The following RAB3GAP1 variants were observed in gnomAD, a reference collection of about 807,000 sequenced individuals.
The protein encoded by RAB3GAP1 is rab3 GTPase-activating protein catalytic subunit.
Under a neutral mutation model 130.7 loss-of-function variants are expected in RAB3GAP1, and 86 were observed. The ratio of observed to expected loss-of-function variants is 0.66; its 90% CI spans 0.55 to 0.79. The LOEUF (loss-of-function observed/expected upper bound fraction) is 0.79. RAB3GAP1 is among the 30% of genes least tolerant of loss of function. The pLI is 0.00. For missense variants in RAB3GAP1, 1,029 were observed against 1,169.4 expected (o/e 0.88, Z 1.75); for synonymous variants, 367 against 401.7 (o/e 0.91, Z 1.03).
At chr2:135,145,881 C>G (rs1051092283) in intron 17 of RAB3GAP1, among the ~76,000 whole-genome samples, 15 of 152,076 alleles carry the variant, frequency 9.9e-5, no homozygotes, top group Non-Finnish European at 1.8e-4. Flanking sequence ...TCTGTTCTAG[C>G]CCTCAACTTG....
intron 5 of RAB3GAP1, among the ~76,000 whole-genome samples, chr2:135,095,058 T>G (rs747658087): frequency 3.3e-5 from 5 of 152,114 alleles, no homozygotes; most frequent in Non-Finnish European, 7.4e-5. Context: ...CAAGCAGGCT[T>G]TTTTTTGTGA....
rs1363481112 is a variant in RAB3GAP1, at chr2:135,081,327, A to AAAAAAAT, written c.151-9670_151-9669insAAAAATA. Among the ~76,000 whole-genome samples the AAAAAAAT allele has an allele frequency of 3.1e-4, 20 of 64,036 alleles. 1 individual carries two copies. Among genetic ancestry groups the AAAAAAAT allele is most frequent in the African/African-American group, 8.3e-4 (9 of 10,894 alleles). The allele number at this position is 64,036 out of a possible 152,430, so 42.0% of individuals were successfully genotyped here. On this transcript the variant is annotated intron_variant, in intron 3 of 23. Coordinates refer to ENST00000264158, the MANE Select transcript of RAB3GAP1 (RefSeq NM_012233.3). Reference sequence around the variant, plus strand: ...GTCTCAAAAAAAAAAAAAAAAAAAAAATATATATATATATATATATATATA... The same window carrying AAAAAAAT: ...GTCTCAAAAAAAAAAAAAAAAAAAAAAAAAAATATATATATATATATATATATATATA...
intron 5 of RAB3GAP1, among the ~76,000 whole-genome samples, chr2:135,106,151 C>T (rs897575579): frequency 4.6e-5 from 7 of 150,672 alleles, no homozygotes; most frequent in African/African-American, 1.5e-4. Context: ...GGGGTGCCTC[C>T]GTCCGGCCGC....
At chr2:135,062,459 A>G (rs1689204265) in intron 3 of RAB3GAP1, among the ~76,000 whole-genome samples, 2 of 152,248 alleles carry the variant, frequency 1.3e-5, no homozygotes, top group African/African-American at 4.8e-5. Flanking sequence ...TTTTTAGTAA[A>G]TCCTGATGTT....
Position 135,153,745 on chromosome 2 carries a change from G to C in RAB3GAP1, c.2158G>C (p.Val720Leu). Residue 720 changes from valine to leucine, a missense_variant, in exon 19 of 24, where the codon GTG (valine) becomes CTG (leucine). Val to Leu is a conservative substitution (Grantham distance 32). Coordinates refer to ENST00000264158, the MANE Select transcript of RAB3GAP1 (RefSeq NM_012233.3). ...GGTGATTGATGAAAAGGGCAATGTG[G>C]TGCTGAAAGGAGAACTGAGTGCCCG... ...EEVIDEKGNV[V>L]LKGELSARMK... is the part of the protein sequence containing the mutation. The C allele has an allele frequency of 6.2e-7, 1 of 1,614,034 alleles. No individual in the cohort carries two copies. Among genetic ancestry groups the C allele is most frequent in the Non-Finnish European group, 8.5e-7 (1 of 1,179,924 alleles).
At chr2:135,079,016 C>T (rs566885040) in intron 3 of RAB3GAP1, among the ~76,000 whole-genome samples, 10 of 152,158 alleles carry the variant, frequency 6.6e-5, no homozygotes, top group East Asian at 1.9e-4. Context: ...TACAGGCACA[C>T]GCCACCATGC....
intron 19 of RAB3GAP1, among the ~76,000 whole-genome samples, chr2:135,162,068 T>C (rs1463707401): frequency 1.3e-5 from 2 of 152,188 alleles, no homozygotes; most frequent in African/African-American, 4.8e-5. Context: ...CTTCTCTGTA[T>C]TCTTATAATA....
At chr2:135,086,136 G>C (rs928374095) in intron 3 of RAB3GAP1, among the ~76,000 whole-genome samples, 5 of 151,886 alleles carry the variant, frequency 3.3e-5, no homozygotes, top group African/African-American at 1.2e-4. Context: ...TTCTCCTATT[G>C]GTGGGCATTT....
At chr2:135,080,899 T>C (rs1689776933) in intron 3 of RAB3GAP1, among the ~76,000 whole-genome samples, 1 of 152,186 alleles carries the variant, frequency 6.6e-6, no homozygotes, top group Admixed American at 6.5e-5. Context: ...GGGATGATCT[T>C]GATCCAGGCT....
Position 135,126,584 on chromosome 2 carries a change from G to C in RAB3GAP1, c.901G>C (p.Asp301His). The change falls in exon 11 of 24, where the codon GAT becomes CAT. Residue 301 changes from aspartate (D) to histidine (H), a missense_variant and splice_region_variant. Physicochemically the swap from Asp to His is moderately conservative, Grantham distance 81 (BLOSUM62 -1). Coordinates refer to ENST00000264158, the MANE Select transcript of RAB3GAP1 (RefSeq NM_012233.3). ...TATATTTATTGGTTTGCATTTTAGTGATTTGGATCCTATTCAAGCTCCACA... is the reference window on the plus strand; with the variant it reads ...TATATTTATTGGTTTGCATTTTAGTCATTTGGATCCTATTCAAGCTCCACA... Reference protein sequence around the residue: ...GIIVDNDVYSDLDPIQAPHWS... With the variant: ...GIIVDNDVYSHLDPIQAPHWS... 1 of 1,610,184 alleles carries C rather than the reference G, an allele frequency of 6.2e-7. No homozygotes were observed. The highest frequency in any genetic ancestry group is 8.5e-7 in the Non-Finnish European group (1 of 1,176,548).
At chr2:135,145,850 T>C (rs1691975141) in intron 17 of RAB3GAP1, among the ~76,000 whole-genome samples, 1 of 152,236 alleles carries the variant, frequency 6.6e-6, no homozygotes. Context: ...TTATAATATT[T>C]GTACAAGGAG....
Position 135,169,988 on chromosome 2 carries a change from AAT to A in RAB3GAP1, c.*1209_*1210del. On this transcript the variant is annotated 3_prime_UTR_variant, in exon 24 of 24. Transcript: ENST00000264158. The stretch of plus-strand genomic sequence containing the variant: ...TGTTATTTTTGTAAAAAAAAAAAAA[AAT>A]ACATATCTATATATAATATGTGTGT... 3.6e-6 allele frequency: 1 copy of A among 275,080 alleles called. No homozygotes were observed. Among genetic ancestry groups the A allele is most frequent in the South Asian group, 3.7e-5 (1 of 27,062 alleles). The allele number at this position is 275,080 out of a possible 1,614,324, so 17.0% of individuals were successfully genotyped here. A position where few individuals can be genotyped will look rare whatever the true frequency, so the allele number is the denominator to read the frequency against.
At chr2:135,074,028 AG>A in intron 3 of RAB3GAP1, among the ~76,000 whole-genome samples, 1 of 152,296 alleles carries the variant, frequency 6.6e-6, no homozygotes, top group South Asian at 2.1e-4. Context: ...TCCTGGCACT[AG>A]GGCCTTACAC....
At chr2:135,149,661 A>AT (rs973369125) in intron 17 of RAB3GAP1, among the ~76,000 whole-genome samples, 6 of 151,526 alleles carry the variant, frequency 4.0e-5, no homozygotes, top group South Asian at 2.1e-4. Context: ...TGTTAGAGCA[A>AT]TTTTTTTTTG....
At position 135,163,019 on chromosome 2, in the gene RAB3GAP1, C is replaced by T. The variant is rs371275629; in HGVS notation, c.2524C>T (p.Leu842Phe). Residue 842 changes from leucine (L) to phenylalanine (F), a missense_variant, in exon 22 of 24, where the codon CTC (leucine) becomes TTC (phenylalanine). Around this residue, in one of 3 missense-constraint regions of RAB3GAP1, gnomAD observed 373 missense variants for 493.6 expected, o/e 0.76. Coordinates refer to ENST00000264158, the MANE Select transcript of RAB3GAP1 (RefSeq NM_012233.3). ...TCACCAGATTACTAATGTGGAAGCT[C>T]TCATTGCCAGAGCTCGGTCACTAAA... ...IIHQITNVEA[L>F]IARARSLKAK... 2.4e-5 allele frequency: 38 copies of T among 1,613,850 alleles called. No individual in the cohort carries two copies. Among genetic ancestry groups the T allele is most frequent in the Non-Finnish European group, 3.1e-5 (36 of 1,179,878 alleles).
Position 135,134,039 on chromosome 2 carries a change from A to G in RAB3GAP1, c.1499+6A>G, listed in dbSNP as rs1344776884. ...AACAACTTTCTGATTCCAGGGTAAT[A>G]ATTTCAATTTTCAATTGTTTGGATA... On this transcript the variant is annotated splice_donor_region_variant and intron_variant, in intron 15 of 23. Coordinates refer to ENST00000264158, the MANE Select transcript of RAB3GAP1 (RefSeq NM_012233.3). The G allele has an allele frequency of 6.2e-7, 1 of 1,613,468 alleles. No individual in the cohort carries two copies. Among genetic ancestry groups the G allele is most frequent in the Non-Finnish European group, 8.5e-7 (1 of 1,179,640 alleles).
intron 5 of RAB3GAP1, among the ~76,000 whole-genome samples, chr2:135,099,655 A>T (rs1018001071): frequency 2.7e-5 from 4 of 146,220 alleles, no homozygotes; most frequent in South Asian, 2.2e-4. Context: ...AGAGTGTAAA[A>T]TTTTTTTTTT....
chr2:135,173,538 G>A (rs1003764367), downstream of RAB3GAP1, among the ~76,000 whole-genome samples: 14 of 152,190 alleles, frequency 9.2e-5, no homozygotes, highest in Non-Finnish European at 2.1e-4. Flanking sequence ...AGGAGCAAAT[G>A]CATTCAGAGA....
chr2:135,110,264 G>T (rs184808931), intron 5 of RAB3GAP1, among the ~76,000 whole-genome samples: 5 of 152,078 alleles, frequency 3.3e-5, no homozygotes, highest in Non-Finnish European at 7.4e-5. Context: ...CTCCCAAGCT[G>T]CTGGGACTAC....
Sources: allele counts gnomAD v4.1 joint callset (sites outside exome capture counted in the v4.1 genomes callset), GRCh38; gene constraint gnomAD v4.1.1; regional missense constraint gnomAD v4.1.1; transcripts MANE v1.5; gene names NCBI Gene and HGNC (gene_info 2026-07-23, HGNC 2026-07-21).